Variants in NSD2 observed in about 807,000 individuals in gnomAD.
NSD2 encodes histone-lysine N-methyltransferase NSD2.
NSD2 carries 12 observed loss-of-function variants against 139.0 expected under a neutral mutation model. The ratio of observed to expected loss-of-function variants is 0.09; its 90% CI spans 0.06 to 0.14. NSD2 has a LOEUF of 0.14. Among genes scored for constraint, NSD2 ranks in the 10% least tolerant of loss-of-function variants. The pLI is 1.00. For synonymous variants in NSD2, 669 were observed against 648.7 expected, an observed-to-expected ratio of 1.03 and a Z score of -0.48; for missense variants, 1,155 against 1,745.0, an observed-to-expected ratio of 0.66 and a Z score of 6.02.
chr4:1,907,730 A>G (rs1390731682), intron 3 of NSD2, among the ~76,000 whole-genome samples: 1 of 147,238 alleles, frequency 6.8e-6, no homozygotes, highest in South Asian at 2.1e-4. Context: ...CTCCTGCCTC[A>G]GTCTCCCAAG....
In NSD2 at chr4:1,979,164, A is replaced by G. The variant is rs1283367151; in HGVS notation, c.*255A>G. On this transcript the variant is annotated 3_prime_UTR_variant, in exon 22 of 22. Coordinates refer to ENST00000508803, the MANE Select transcript of NSD2 (RefSeq NM_001042424.3). ...AGCCTCACTCCTCAGCGTTACCGCC[A>G]CACTTGAATTTCTCCGAATGTCAAG... 1.7e-5 allele frequency: 7 copies of G among 402,136 alleles called. No individual in the cohort carries two copies. Among genetic ancestry groups the G allele is most frequent in the Non-Finnish European group, 3.0e-5 (7 of 229,892 alleles). 24.9% of individuals were successfully genotyped at this position (402,136 alleles called of 1,614,324 possible). A position where few individuals can be genotyped will look rare whatever the true frequency, so the allele number is the denominator to read the frequency against.
At chr4:1,884,340 G>A (rs1378023640) in intron 1 of NSD2, among the ~76,000 whole-genome samples, 1 of 151,826 alleles carries the variant, frequency 6.6e-6, no homozygotes, top group Non-Finnish European at 1.5e-5. Flanking sequence ...AAGTGATCTG[G>A]CCCACCTTCG....
chr4:1,934,878 A>ATATATATATAT (rs61664298), intron 6 of NSD2, among the ~76,000 whole-genome samples: 2 of 22,060 alleles, frequency 9.1e-5, no homozygotes, highest in African/African-American at 2.1e-4. Flanking sequence ...AAAAAAAAAA[A>ATATATATATAT]ATATATATAT....
At chr4:1,941,602 T>C in intron 9 of NSD2, 1 of 1,033,266 alleles carries the variant, frequency 9.7e-7, no homozygotes, top group Non-Finnish European at 1.2e-6. Flanking sequence ...AATACATTTA[T>C]ATAATACATT....
At chr4:1,872,747 A>T (rs565542742) in intron 1 of NSD2, among the ~76,000 whole-genome samples, 1 of 151,826 alleles carries the variant, frequency 6.6e-6, no homozygotes, top group Non-Finnish European at 1.5e-5. Context: ...TTGATTTTTA[A>T]ATGAGTTAAA....
At chr4:1,902,410 G>T (rs139797487) in intron 2 of NSD2, among the ~76,000 whole-genome samples, 136 of 152,002 alleles carry the variant, frequency 8.9e-4, no homozygotes, top group African/African-American at 3.1e-3. Context: ...TTTTTTGTAG[G>T]ACAGGGTCTT....
intron 9 of NSD2, chr4:1,946,108 G>A: frequency 1.9e-6 from 2 of 1,029,958 alleles, no homozygotes. Flanking sequence ...TTGCTGAGGT[G>A]TGCGGTTTAT....
rs1340808631 is a variant in NSD2 at position 1,976,749 on chromosome 4, G to A, written c.3826+70G>A. 1.1e-5 allele frequency: 16 copies of A among 1,472,744 alleles called. No individual in the cohort carries two copies. In the East Asian group the frequency reaches 3.0e-4, roughly 27 times the overall value. The allele number at this position is 1,472,744 out of a possible 1,614,324, so 91.2% of individuals were successfully genotyped here. ...CAGGCTCCTGATGGCGGCTGCTGCC[G>A]CTCTTCCTGCTGACCGGGCCTCATC... is the stretch of plus-strand genomic sequence containing the variant. On this transcript the variant is annotated intron_variant, in intron 21 of 21. Transcript: ENST00000508803. This position sits in a 1 kb window ranked among gnomAD's most constrained non-coding sequence, Gnocchi z 5.3.
chr4:1,873,235 G>A (rs982106578), intron 1 of NSD2, among the ~76,000 whole-genome samples: 2 of 152,174 alleles, frequency 1.3e-5, no homozygotes, highest in African/African-American at 4.8e-5. Flanking sequence ...TCTGATCTCA[G>A]TACAAAAATT....
At position 1,946,567 on chromosome 4, in the gene NSD2, C is replaced by T. The variant is rs542069941; in HGVS notation, c.1882-4505C>T. 27 of 1,018,624 alleles carry T rather than the reference C, an allele frequency of 2.7e-5. No homozygotes were observed. The East Asian group carries it at 1.3e-3, about 48-fold the overall frequency. The allele number at this position is 1,018,624 out of a possible 1,614,324, so 63.1% of individuals were successfully genotyped here. The stretch of plus-strand genomic sequence containing the variant: ...TACAGGCGTAAGCCACTGCACCTGG[C>T]GGGGTCTTGCTTATTTTAAAAGAAA... On this transcript the variant is annotated intron_variant, in intron 9 of 21. Transcript: ENST00000508803.
chr4:1,955,630 A>G lies in NSD2; in HGVS notation c.2519-63A>G. On this transcript the variant is annotated intron_variant, in intron 13 of 21. Transcript: ENST00000508803. This position sits in a 1 kb window ranked among gnomAD's most constrained non-coding sequence, Gnocchi z 4.7. The stretch of plus-strand genomic sequence containing the variant: ...CTGTAATAAGTGTAGACTGTGAAGC[A>G]CTGAATCTGGGCTGAGCCATAGCAG... The G allele has an allele frequency of 1.3e-6, 2 of 1,528,054 alleles. No homozygotes were observed. The highest frequency in any genetic ancestry group is 1.8e-6 in the Non-Finnish European group (2 of 1,136,016). The allele number at this position is 1,528,054 out of a possible 1,614,324, so 94.7% of individuals were successfully genotyped here.
intron 4 of NSD2, 27 bp downstream of exon 4, chr4:1,917,064 T>C: frequency 6.5e-7 from 1 of 1,541,126 alleles, no homozygotes. Context: ...CAGTCTACTT[T>C]TAGACCAGAA....
intron 15 of NSD2, among the ~76,000 whole-genome samples, 190 bp from the exon 16 acceptor site, chr4:1,957,743 C>T (rs952818696): frequency 6.6e-6 from 1 of 152,170 alleles, no homozygotes; most frequent in Non-Finnish European, 1.5e-5. Flanking sequence ...CTGAGCACTC[C>T]TTTGCCTCAC....
In NSD2 at chr4:1,891,389, C is replaced by T. The variant is rs183983648; in HGVS notation, c.-29-9237C>T. On this transcript the variant is annotated intron_variant, in intron 1 of 21. Coordinates refer to ENST00000508803, the MANE Select transcript of NSD2 (RefSeq NM_001042424.3). Reference sequence around the variant, plus strand: ...CGGAGGAATGGGTTGGAGCTTGGTCCGTCTCACGGCCTGGCTCTGGGGAAT... The same window carrying T: ...CGGAGGAATGGGTTGGAGCTTGGTCTGTCTCACGGCCTGGCTCTGGGGAAT... Among the ~76,000 whole-genome samples, 192 of 152,286 alleles carry T rather than the reference C, an allele frequency of 1.3e-3. 1 individual carries two copies. The highest frequency in any genetic ancestry group is 4.3e-3 in the African/African-American group (178 of 41,562).
At chr4:1,900,487 C>A in intron 1 of NSD2, 139 bp from the exon 2 acceptor site, 1 of 511,006 alleles carries the variant, frequency 2.0e-6, no homozygotes, top group Non-Finnish European at 3.3e-6. Flanking sequence ...CCTTCTGTGA[C>A]CTGAATTATT....
chr4:1,940,273 T>C, intron 9 of NSD2: 1 of 1,073,954 alleles, frequency 9.3e-7, no homozygotes, highest in Non-Finnish European at 1.1e-6. Flanking sequence ...ATTTCATGGC[T>C]TTGGTCCTTT....
chr4:1,911,715 A>G (rs1391643608), intron 3 of NSD2, among the ~76,000 whole-genome samples: 2 of 151,978 alleles, frequency 1.3e-5, no homozygotes, highest in Non-Finnish European at 2.9e-5. Flanking sequence ...TGAGATATTC[A>G]CCTCTCAACT....
At chr4:1,889,810 CTTTTT>C (rs574016629) in intron 1 of NSD2, among the ~76,000 whole-genome samples, 1 of 145,898 alleles carries the variant, frequency 6.9e-6, no homozygotes, top group Non-Finnish European at 1.5e-5. Context: ...CCCAGCCGAC[CTTTTT>C]TTTTTTTAAT....
At chr4:1,945,533 A>G in intron 9 of NSD2, 1 of 1,064,984 alleles carries the variant, frequency 9.4e-7, no homozygotes, top group Non-Finnish European at 1.1e-6. Flanking sequence ...TATAAAATTA[A>G]GATGATAAGA....
Sources: gnomAD v4.1 joint callset for allele counts (sites outside exome capture counted in the v4.1 genomes callset) on GRCh38, gnomAD v4.1.1 for gene constraint, Gnocchi (gnomAD v3.1) non-coding constraint, MANE v1.5 for transcripts, NCBI Gene and HGNC (gene_info 2026-07-23, HGNC 2026-07-21) for gene names.